Variants in NR2F6 observed in about 807,000 individuals in gnomAD.
NR2F6 encodes the protein nuclear receptor subfamily 2 group F member 6.
In NR2F6, 16 loss-of-function variants were observed where a neutral mutation model predicts 26.5. The observed-to-expected ratio is 0.60, with a 90% CI of 0.41 to 0.92. NR2F6 has a LOEUF of 0.92. NR2F6 is among the 40% of genes least tolerant of loss of function. NR2F6 has a pLI of 0.00. For missense variants in NR2F6, 536 were observed against 631.7 expected (o/e 0.85, Z 1.62); for synonymous variants, 325 against 305.0 (o/e 1.07, Z -0.68).
Position 17,245,128 on chromosome 19 carries a change from G to C in NR2F6, c.93C>G (p.Asp31Glu). The change falls in exon 1 of 4, where the codon GAC becomes GAG. Residue 31 changes from aspartate (D) to glutamate (E), a missense_variant. By Grantham distance (45) the Asp-to-Glu change is conservative. Coordinates refer to ENST00000291442, the MANE Select transcript of NR2F6 (RefSeq NM_005234.4). This position sits in a 1 kb window ranked among gnomAD's most constrained non-coding sequence, Gnocchi z 5.0. ...TGGCGGCACCGGGGGGCGAGGCCGA[G>C]TCGTCCTCGGCCGCGCGCGGGTAGC... ...AGGYPRAAED[D>E]SASPPGAASD... 2.6e-6 allele frequency: 4 copies of C among 1,518,788 alleles called. No homozygotes were observed. Among genetic ancestry groups the C allele is most frequent in the Non-Finnish European group, 3.5e-6 (4 of 1,135,440 alleles). 94.1% of individuals were successfully genotyped at this position (1,518,788 alleles called of 1,614,324 possible).
intron 1 of NR2F6, among the ~76,000 whole-genome samples, chr19:17,242,347 A>G (rs1289132579): frequency 6.6e-6 from 1 of 152,138 alleles, no homozygotes; most frequent in Non-Finnish European, 1.5e-5. Context: ...AACAAAACAG[A>G]TGAATCTCAG....
In NR2F6 at chr19:17,245,388, C is replaced by G. The variant is rs1389216855; in HGVS notation, c.-168G>C. ...CAACTTCCTGCGGCCGGTCCTCGCGCCCGGGCGGAACTGGTCGGGCCGGTT... is the reference window on the plus strand; with the variant it reads ...CAACTTCCTGCGGCCGGTCCTCGCGGCCGGGCGGAACTGGTCGGGCCGGTT... On this transcript the variant is annotated 5_prime_UTR_variant, in exon 1 of 4. Coordinates refer to ENST00000291442, the MANE Select transcript of NR2F6 (RefSeq NM_005234.4). The surrounding 1 kb of genome is among the most constrained non-coding windows in gnomAD (Gnocchi z 5.0). 6.0e-6 allele frequency: 3 copies of G among 496,212 alleles called. No individual in the cohort carries two copies. The highest frequency in any genetic ancestry group is 8.8e-6 in the Non-Finnish European group (3 of 342,098). The allele number at this position is 496,212 out of a possible 1,614,324, so 30.7% of individuals were successfully genotyped here.
rs149751685 is a variant in NR2F6, at chr19:17,236,333, G to A, written c.374-268C>T. Among the ~76,000 whole-genome samples, 3,394 of 150,554 alleles carry A rather than the reference G, an allele frequency of 0.023. 49 individuals are homozygous for A. Among genetic ancestry groups the A allele is most frequent in the Middle Eastern group, 0.045 (13 of 292 alleles). On this transcript the variant is annotated intron_variant, in intron 2 of 3. Coordinates refer to ENST00000291442, the MANE Select transcript of NR2F6 (RefSeq NM_005234.4). ...GGGGGGGGCAGGTAGGGAGAATAAC[G>A]GGAAAGGGAGACAAAAGTCATCAAG...
At chr19:17,237,259 A>C (rs1272962760) in intron 2 of NR2F6, among the ~76,000 whole-genome samples, 1 of 152,074 alleles carries the variant, frequency 6.6e-6, no homozygotes, top group African/African-American at 2.4e-5. Flanking sequence ...TCCTCCAGGA[A>C]GCTTCCTCCC....
intron 2 of NR2F6, among the ~76,000 whole-genome samples, chr19:17,239,397 C>T (rs532028558): frequency 9.1e-4 from 138 of 151,836 alleles, no homozygotes; most frequent in African/African-American, 3.3e-3. Context: ...TGGCTTACGC[C>T]TGTAATCCCA....
intron 3 of NR2F6, among the ~76,000 whole-genome samples, chr19:17,234,291 GGTCTCACTCT>G (rs904173682): frequency 6.6e-5 from 10 of 151,970 alleles, no homozygotes; most frequent in African/African-American, 1.9e-4. Context: ...TTTGAGACGC[GGTCTCACTCT>G]GTTGCGCAGG....
chr19:17,244,395 A>C (rs1331219256), intron 1 of NR2F6: 1 of 152,420 alleles, frequency 6.6e-6, no homozygotes, highest in Non-Finnish European at 1.5e-5. Flanking sequence ...CATGCGAAGA[A>C]GGCCGCCCCG....
At chr19:17,233,074 G>A (rs146484343) in intron 3 of NR2F6, among the ~76,000 whole-genome samples, 2,495 of 152,304 alleles carry the variant, frequency 0.016, 52 homozygotes, top group East Asian at 0.079. Context: ...TTGAGCCTGG[G>A]AGGCGGAGGT....
chr19:17,234,021 G>A (rs2073422238), intron 3 of NR2F6, among the ~76,000 whole-genome samples: 1 of 151,752 alleles, frequency 6.6e-6, no homozygotes, highest in South Asian at 2.1e-4. Flanking sequence ...TCAGGAGTTC[G>A]AGATCAGCCT....
In NR2F6 at chr19:17,245,289, G is replaced by C; in HGVS notation, c.-69C>G. On this transcript the variant is annotated 5_prime_UTR_variant, in exon 1 of 4. Transcript: ENST00000291442. The surrounding 1 kb of genome is among the most constrained non-coding windows in gnomAD (Gnocchi z 5.0). ...CCTCCGGGCACCCCTCTCGGCCCGG[G>C]GGACCCTACGCGGCGCGCATTCGGC... 8.5e-7 allele frequency: 1 copy of C among 1,175,554 alleles called. No individual in the cohort carries two copies. Among genetic ancestry groups the C allele is most frequent in the Non-Finnish European group, 1.1e-6 (1 of 949,128 alleles). The allele number at this position is 1,175,554 out of a possible 1,614,324, so 72.8% of individuals were successfully genotyped here. A position where few individuals can be genotyped will look rare whatever the true frequency, so the allele number is the denominator to read the frequency against.
At position 17,235,686 on chromosome 19, in the gene NR2F6, C is replaced by A. The variant is rs575451053; in HGVS notation, c.753G>T (p.Ala251=). The A allele has an allele frequency of 1.7e-4, 246 of 1,490,266 alleles. 1 individual carries two copies. In the African/African-American group the frequency reaches 3.3e-3, roughly 20 times the overall value. The allele number at this position is 1,490,266 out of a possible 1,614,324, so 92.3% of individuals were successfully genotyped here. The change falls in exon 3 of 4, where the codon GCG becomes GCT. Residue 251 remains alanine, a synonymous_variant. Transcript: ENST00000291442. The surrounding 1 kb of genome is among the most constrained non-coding windows in gnomAD (Gnocchi z 5.0). ...ELFVLNAAQA[A]LPLHTAPLLA... is the part of the protein sequence containing the mutation. ...GTAGCGGCGCCGTGTGCAGGGGCAGCGCCGCCTGCGCCGCGTTCAGCACGA... is the reference window on the plus strand; with the variant it reads ...GTAGCGGCGCCGTGTGCAGGGGCAGAGCCGCCTGCGCCGCGTTCAGCACGA...
chr19:17,238,245 A>G (rs923540966), intron 2 of NR2F6, among the ~76,000 whole-genome samples: 5 of 152,216 alleles, frequency 3.3e-5, no homozygotes, highest in Non-Finnish European at 7.3e-5. Flanking sequence ...TTTATTGAAC[A>G]CCTACTGTGT....
intron 2 of NR2F6, among the ~76,000 whole-genome samples, chr19:17,237,139 G>C (rs1377171273): frequency 6.6e-6 from 1 of 152,226 alleles, no homozygotes; most frequent in Non-Finnish European, 1.5e-5. Context: ...GGCGAACAGA[G>C]CTAAGCGGAG....
rs1261639509 is a variant in NR2F6, at chr19:17,232,290, C to T, written c.*62G>A. 1 of 1,604,072 alleles carries T rather than the reference C, an allele frequency of 6.2e-7. No individual in the cohort carries two copies. Among genetic ancestry groups the T allele is most frequent in the Non-Finnish European group, 8.5e-7 (1 of 1,174,660 alleles). On this transcript the variant is annotated 3_prime_UTR_variant, in exon 4 of 4. Transcript: ENST00000291442. ...CCCGGGAGGCCCCTCGAGGCCTCAG[C>T]ATTCCCTGTCCCTTGAGGTCTGTCT... is the stretch of plus-strand genomic sequence containing the variant.
intron 2 of NR2F6, among the ~76,000 whole-genome samples, chr19:17,236,451 T>TA (rs1251559598): frequency 2.0e-5 from 3 of 151,738 alleles, no homozygotes. Context: ...GGTTAGAAAG[T>TA]AAGAGTCCAG....
intron 2 of NR2F6, among the ~76,000 whole-genome samples, chr19:17,240,468 G>T: frequency 6.6e-6 from 1 of 152,198 alleles, no homozygotes; most frequent in East Asian, 1.9e-4. Context: ...GATTCCTCCA[G>T]CCTAGGGCCA....
At chr19:17,236,888 C>T (rs1234988354) in intron 2 of NR2F6, among the ~76,000 whole-genome samples, 1 of 152,198 alleles carries the variant, frequency 6.6e-6, no homozygotes, top group Non-Finnish European at 1.5e-5. Context: ...GGCTTGGGCA[C>T]GTCTGCAGTG....
intron 1 of NR2F6, among the ~76,000 whole-genome samples, 182 bp from the exon 2 acceptor site, chr19:17,240,947 C>A (rs897492849): frequency 1.3e-5 from 2 of 152,144 alleles, no homozygotes; most frequent in African/African-American, 4.8e-5. Flanking sequence ...ACAGGATAAC[C>A]CGGATGAGTG....
At chr19:17,234,332 C>T (rs2073424185) in intron 3 of NR2F6, among the ~76,000 whole-genome samples, 1 of 152,088 alleles carries the variant, frequency 6.6e-6, no homozygotes, top group Non-Finnish European at 1.5e-5. Flanking sequence ...GTGGGAAAAT[C>T]AGAGCTCACT....
Sources: gnomAD v4.1 joint callset for allele counts (sites outside exome capture counted in the v4.1 genomes callset) on GRCh38, gnomAD v4.1.1 for gene constraint, Gnocchi (gnomAD v3.1) non-coding constraint, MANE v1.5 for transcripts, NCBI Gene and HGNC (gene_info 2026-07-23, HGNC 2026-07-21) for gene names.